The following ITPR2 variants were observed in gnomAD, a reference collection of about 807,000 sequenced individuals.
ITPR2 encodes the protein inositol 1,4,5-trisphosphate receptor type 2, also known as inositol 1,4,5-trisphosphate-gated calcium channel ITPR2.
ITPR2 carries 207 observed loss-of-function variants against 317.1 expected under a neutral mutation model. That is an observed-to-expected ratio of 0.65 (90% CI 0.58 to 0.73). The LOEUF is 0.73. Among genes scored for constraint, ITPR2 ranks in the 30% least tolerant of loss-of-function variants. The probability of loss-of-function intolerance (pLI) is 0.00; values close to 1 mark genes in which losing one functional copy is unlikely to be tolerated. For synonymous variants in ITPR2, 1,156 were observed against 1,149.1 expected (o/e 1.01, Z -0.12); for missense variants, 2,613 against 3,284.0 (o/e 0.80, Z 4.99).
intron 11 of ITPR2, 96 bp from the exon 12 acceptor site, chr12:26,682,769 T>C: frequency 2.8e-6 from 2 of 705,874 alleles, no homozygotes; most frequent in South Asian, 1.9e-5. Flanking sequence ...TGAACATAAA[T>C]ACATATTAAC....
intron 55 of ITPR2, among the ~76,000 whole-genome samples, chr12:26,379,271 A>G (rs1939434685): frequency 6.6e-6 from 1 of 152,214 alleles, no homozygotes; most frequent in African/African-American, 2.4e-5. Context: ...GAGATCATGC[A>G]TGTAAAGCAC....
At chr12:26,753,000 A>AC (rs893033773) in intron 2 of ITPR2, among the ~76,000 whole-genome samples, 47 of 152,176 alleles carry the variant, frequency 3.1e-4, no homozygotes, top group Admixed American at 2.8e-3. Flanking sequence ...TACTGAGGTG[A>AC]CCCCCCACCC....
rs964174145 is a variant in ITPR2 at position 26,628,083 on chromosome 12, T to C, written c.3014A>G (p.Asp1005Gly). 4 of 1,613,276 alleles carry C rather than the reference T, an allele frequency of 2.5e-6. No homozygotes were observed. The highest frequency in any genetic ancestry group is 2.2e-5 in the South Asian group (2 of 91,030). The change falls in exon 23 of 57, where the codon GAC becomes GGC. Residue 1005 changes from aspartate (D) to glycine (G), a missense_variant. Asp to Gly is a moderately conservative substitution (Grantham distance 94, BLOSUM62 -1). Around this residue, in one of 9 missense-constraint regions of ITPR2, gnomAD observed 817 missense variants for 897.6 expected, o/e 0.91. Transcript: ENST00000381340. The stretch of plus-strand genomic sequence containing the variant: ...TCCACTGGCAGATGTCTCCGCATTG[T>C]CATTGTCCTCTCCAAACTCCTTCTT... ...IYKKEFGEDN[D>G]NAETSASGSP...
At chr12:26,716,956 C>A (rs562532732) in intron 5 of ITPR2, among the ~76,000 whole-genome samples, 2 of 152,242 alleles carry the variant, frequency 1.3e-5, no homozygotes, top group East Asian at 3.9e-4. Flanking sequence ...GTTATTGTAG[C>A]AATATCCACC....
At chr12:26,414,091 AC>A (rs1468274845) in intron 51 of ITPR2, among the ~76,000 whole-genome samples, 2 of 151,778 alleles carry the variant, frequency 1.3e-5, no homozygotes, top group African/African-American at 4.8e-5. Context: ...ACACACAAAC[AC>A]AAGTCCCCAT....
Position 26,454,010 on chromosome 12 carries a change from G to A in ITPR2, c.6343-10360C>T, listed in dbSNP as rs143505747. On this transcript the variant is annotated intron_variant, in intron 45 of 56. Transcript: ENST00000381340. The stretch of plus-strand genomic sequence containing the variant: ...ATAAATATTTTTTGGATGGATAGAT[G>A]GATGGGTGAATGGATGGATGGATGG... Among the ~76,000 whole-genome samples, 756 of 152,186 alleles carry A rather than the reference G, an allele frequency of 5.0e-3. 14 individuals are homozygous for A. Among genetic ancestry groups the A allele is most frequent in the Admixed American group, 0.03 (461 of 15,268 alleles).
intron 32 of ITPR2, among the ~76,000 whole-genome samples, chr12:26,590,832 C>T (rs1945680878): frequency 6.6e-6 from 1 of 152,036 alleles, no homozygotes; most frequent in South Asian, 2.1e-4. Flanking sequence ...GTAATCTTAG[C>T]ACTTTGTGAG....
intron 54 of ITPR2, 81 bp downstream of exon 54, chr12:26,398,795 T>C: frequency 1.6e-6 from 2 of 1,226,726 alleles, no homozygotes; most frequent in East Asian, 5.0e-5. Context: ...TCCGAAAGCA[T>C]GAAAAATAAA....
chr12:26,820,277 A>G (rs960791708), intron 1 of ITPR2, among the ~76,000 whole-genome samples: 17 of 152,298 alleles, frequency 1.1e-4, no homozygotes, highest in African/African-American at 4.1e-4. Flanking sequence ...GAAATATGAG[A>G]CATTATATTG....
chr12:26,715,455 AG>A lies in ITPR2; in HGVS notation c.709-11del, dbSNP rs748436340. Reference sequence around the variant, plus strand: ...ATCTAACAACGTCCCCCTAGCAAAAAGGTCAAGAGACATCTGAACAAACAGA... The same window carrying A: ...ATCTAACAACGTCCCCCTAGCAAAAAGTCAAGAGACATCTGAACAAACAGA... On this transcript the variant is annotated splice_polypyrimidine_tract_variant and intron_variant, in intron 7 of 56. Coordinates refer to ENST00000381340, the MANE Select transcript of ITPR2 (RefSeq NM_002223.4). 6.2e-7 allele frequency: 1 copy of A among 1,610,298 alleles called. No individual in the cohort carries two copies. Among genetic ancestry groups the A allele is most frequent in the Non-Finnish European group, 8.5e-7 (1 of 1,177,900 alleles).
chr12:26,691,557 C>T (rs1251249124), intron 10 of ITPR2, among the ~76,000 whole-genome samples: 2 of 152,094 alleles, frequency 1.3e-5, no homozygotes, highest in Admixed American at 1.3e-4. Context: ...AAGAAAGCCA[C>T]ATAGCCTCTC....
intron 2 of ITPR2, among the ~76,000 whole-genome samples, chr12:26,758,923 G>T (rs1461909183): frequency 6.6e-6 from 1 of 152,132 alleles, no homozygotes; most frequent in African/African-American, 2.4e-5. Context: ...ATCCTCTATG[G>T]ATCACATCCT....
At chr12:26,731,697 C>A (rs1184142234) in intron 2 of ITPR2, among the ~76,000 whole-genome samples, 1 of 152,138 alleles carries the variant, frequency 6.6e-6, no homozygotes, top group Non-Finnish European at 1.5e-5. Context: ...ACTCAGGAGG[C>A]TGAGACAAGA....
At chr12:26,817,201 AAG>A (rs1555196908) in intron 1 of ITPR2, among the ~76,000 whole-genome samples, 4 of 151,074 alleles carry the variant, frequency 2.6e-5, no homozygotes, top group African/African-American at 4.9e-5. Flanking sequence ...AAAAAAAAAA[AAG>A]GGCAGTACGA....
chr12:26,660,709 C>T (rs1030135741), intron 15 of ITPR2, among the ~76,000 whole-genome samples: 2 of 152,116 alleles, frequency 1.3e-5, no homozygotes, highest in African/African-American at 4.8e-5. Flanking sequence ...TTTAAGGATA[C>T]ATATTGATTT....
chr12:26,488,054 C>T (rs1325804625), intron 39 of ITPR2, among the ~76,000 whole-genome samples: 2 of 152,012 alleles, frequency 1.3e-5, no homozygotes, highest in South Asian at 2.1e-4. Context: ...TGCTCAATGC[C>T]TTATGGAAGT....
intron 26 of ITPR2, among the ~76,000 whole-genome samples, chr12:26,609,741 G>A (rs4964004): frequency 0.7 from 106,930 of 152,156 alleles, 37,932 homozygotes; most frequent in East Asian, 0.95. Context: ...AATTCTCATA[G>A]AAAAAGATAA....
chr12:26,673,013 A>G (rs959028697), intron 13 of ITPR2, among the ~76,000 whole-genome samples: 2 of 152,132 alleles, frequency 1.3e-5, no homozygotes, highest in Non-Finnish European at 2.9e-5. Context: ...GAAGCTCTGA[A>G]TAGACCAATA....
In ITPR2 at chr12:26,772,537, TG is replaced by T. The variant is rs1220379539; in HGVS notation, c.163+17619del. 1.4e-3 allele frequency among the ~76,000 whole-genome samples: 185 copies of T among 136,646 alleles called. 1 individual carries two copies. The highest frequency in any genetic ancestry group is 2.2e-3 in the Non-Finnish European group (143 of 64,276). 89.6% of individuals were successfully genotyped at this position (136,646 alleles called of 152,430 possible). On this transcript the variant is annotated intron_variant, in intron 2 of 56. Transcript: ENST00000381340. ...ATAATACATTATTATATATAATACA[TG>T]TATTATATATATAATACATGTATTA...
Sources: allele counts gnomAD v4.1 joint callset (sites outside exome capture counted in the v4.1 genomes callset), GRCh38; gene constraint gnomAD v4.1.1; regional missense constraint gnomAD v4.1.1; transcripts MANE v1.5; gene names NCBI Gene and HGNC (gene_info 2026-07-23, HGNC 2026-07-21).